LRRTM3: variants seen among roughly 807,000 people sequenced by gnomAD.
LRRTM3 encodes leucine-rich repeat transmembrane neuronal protein 3.
A neutral mutation model predicts 44.7 loss-of-function variants in LRRTM3; 24 were observed. That is an observed-to-expected ratio of 0.54 (90% CI 0.39 to 0.76). LRRTM3 has a LOEUF of 0.76. LRRTM3 is among the 30% of genes least tolerant of loss of function. The pLI is 0.00. For missense variants in LRRTM3, 587 were observed against 702.2 expected, an observed-to-expected ratio of 0.84 and a Z score of 1.85; for synonymous variants, 277 against 278.7, an observed-to-expected ratio of 0.99 and a Z score of 0.06.
In LRRTM3 at chr10:67,068,297, A is replaced by T. The variant is rs190463972; in HGVS notation, c.1537-29290A>T. ...ATAGCTCCAAGGCTGCATAAAACAC[A>T]TATAGATGGTGACACTATTTTCAGG... On this transcript the variant is annotated intron_variant, in intron 2 of 2. Coordinates refer to ENST00000361320, the MANE Select transcript of LRRTM3 (RefSeq NM_178011.5). Among the ~76,000 whole-genome samples, 4 of 152,332 alleles carry T rather than the reference A, an allele frequency of 2.6e-5. No homozygotes were observed. The East Asian group carries it at 7.7e-4, about 29-fold the overall frequency.
At chr10:67,081,394 T>C (rs1408799965) in intron 2 of LRRTM3, among the ~76,000 whole-genome samples, 3 of 152,198 alleles carry the variant, frequency 2.0e-5, no homozygotes, top group African/African-American at 7.2e-5. Context: ...AACTTACTAT[T>C]TCAGGAAACA....
chr10:66,974,478 G>A (rs1323381901), intron 2 of LRRTM3, among the ~76,000 whole-genome samples: 2 of 152,102 alleles, frequency 1.3e-5, no homozygotes, highest in African/African-American at 4.8e-5. Context: ...TTATATACAA[G>A]TCATTCGCCA....
At position 67,098,092 on chromosome 10, in the gene LRRTM3, A is replaced by G. The variant is rs564401099; in HGVS notation, c.*296A>G. The G allele has an allele frequency of 2.9e-4, 107 of 370,548 alleles. No individual in the cohort carries two copies. The highest frequency in any genetic ancestry group is 2.1e-3 in the African/African-American group (101 of 48,528). 23.0% of individuals were successfully genotyped at this position (370,548 alleles called of 1,614,324 possible). On this transcript the variant is annotated 3_prime_UTR_variant, in exon 3 of 3. Transcript: ENST00000361320. Reference sequence around the variant, plus strand: ...TCCTACCTACCTGTAAAAACTGTACAAAGCTAATGTATTTTTCATATTGTA... The same window carrying G: ...TCCTACCTACCTGTAAAAACTGTACGAAGCTAATGTATTTTTCATATTGTA...
At chr10:67,092,276 G>C (rs959288178) in intron 2 of LRRTM3, among the ~76,000 whole-genome samples, 2 of 151,760 alleles carry the variant, frequency 1.3e-5, no homozygotes, top group African/African-American at 2.4e-5. Context: ...TGATATATGA[G>C]GAGAGCATGA....
chr10:67,083,015 C>A (rs370592456), intron 2 of LRRTM3, among the ~76,000 whole-genome samples: 1 of 152,146 alleles, frequency 6.6e-6, no homozygotes, highest in Non-Finnish European at 1.5e-5. Flanking sequence ...CCAGAAGCCA[C>A]CTGTGTGTTC....
rs1858261631 is a variant in LRRTM3, at chr10:67,100,231, G to A, written c.*2435G>A. Among the ~76,000 whole-genome samples, 1 of 151,554 alleles carries A rather than the reference G, an allele frequency of 6.6e-6. No individual in the cohort carries two copies. The highest frequency in any genetic ancestry group is 1.5e-5 in the Non-Finnish European group (1 of 67,754). On this transcript the variant is annotated 3_prime_UTR_variant, in exon 3 of 3. Transcript: ENST00000361320. ...TAAATATTTTAAATTCATCTAAAGT[G>A]AACGACTATAAATAGAAGCAATCAC...
intron 2 of LRRTM3, among the ~76,000 whole-genome samples, chr10:67,015,917 AT>A (rs928178492): frequency 4.0e-5 from 6 of 151,836 alleles, no homozygotes; most frequent in African/African-American, 1.4e-4. Flanking sequence ...AATCAAGTTT[AT>A]TCTATTTGTG....
rs936201256 is a variant in LRRTM3, at chr10:66,928,227, T to A, written c.1311T>A (p.Val437=). ...TGTCCGTGCTCGTCATCCTGCTGGT[T>A]ATCTACGTGTCATGGAAGCGGTACC... The part of the protein sequence containing the change: ...LFLSVLVILL[V]IYVSWKRYPA... The change falls in exon 2 of 3, where the codon GTT becomes GTA. Residue 437 remains valine (V), a synonymous_variant. Transcript: ENST00000361320. The A allele has an allele frequency of 6.8e-6, 11 of 1,614,070 alleles. No individual in the cohort carries two copies. Among genetic ancestry groups the A allele is most frequent in the Non-Finnish European group, 9.3e-6 (11 of 1,180,052 alleles).
intron 2 of LRRTM3, among the ~76,000 whole-genome samples, chr10:66,956,706 T>C (rs1848809185): frequency 6.6e-6 from 1 of 152,236 alleles, no homozygotes; most frequent in Admixed American, 6.5e-5. Flanking sequence ...GTATTCTGAC[T>C]GTGTTTAAAA....
intron 2 of LRRTM3, among the ~76,000 whole-genome samples, chr10:66,938,574 G>A (rs1490397510): frequency 2.6e-5 from 4 of 152,140 alleles, no homozygotes; most frequent in Non-Finnish European, 5.9e-5. Context: ...ATAGAGAAGC[G>A]ATCGGTCTTG....
At chr10:67,071,330 G>GGT (rs1554912076) in intron 2 of LRRTM3, among the ~76,000 whole-genome samples, 1 of 140,404 alleles carries the variant, frequency 7.1e-6, no homozygotes, top group East Asian at 2.1e-4. Context: ...TGTATTTTGG[G>GGT]TTTTTTTTTT....
intron 2 of LRRTM3, among the ~76,000 whole-genome samples, chr10:67,090,823 T>G (rs953377573): frequency 4.6e-5 from 7 of 152,012 alleles, no homozygotes; most frequent in Non-Finnish European, 8.8e-5. Flanking sequence ...CTAAAGAAAC[T>G]AAGGTAGAAC....
At chr10:67,017,497 C>G (rs1852728534) in intron 2 of LRRTM3, among the ~76,000 whole-genome samples, 1 of 152,192 alleles carries the variant, frequency 6.6e-6, no homozygotes, top group South Asian at 2.1e-4. Flanking sequence ...CACAATCTAT[C>G]TTTTGTGTAC....
intron 2 of LRRTM3, among the ~76,000 whole-genome samples, chr10:66,995,222 C>T (rs1851263837): frequency 6.6e-6 from 1 of 152,154 alleles, no homozygotes; most frequent in South Asian, 2.1e-4. Context: ...TGAATAGAAC[C>T]ACCATCCACC....
intron 2 of LRRTM3, among the ~76,000 whole-genome samples, chr10:67,000,093 T>C (rs1207065127): frequency 6.6e-6 from 1 of 152,204 alleles, no homozygotes; most frequent in African/African-American, 2.4e-5. Context: ...TTTCTCCATA[T>C]TTCTAACAAC....
intron 2 of LRRTM3, among the ~76,000 whole-genome samples, chr10:66,992,645 A>G (rs554268111): frequency 1.3e-5 from 2 of 152,210 alleles, no homozygotes; most frequent in South Asian, 4.1e-4. Flanking sequence ...AGGGTTATAG[A>G]ACTATTTTCT....
chr10:67,019,858 G>T (rs929280405), intron 2 of LRRTM3, among the ~76,000 whole-genome samples: 1 of 151,972 alleles, frequency 6.6e-6, no homozygotes, highest in Non-Finnish European at 1.5e-5. Flanking sequence ...TTCCTCTTCC[G>T]TTCTTGCCTA....
At chr10:67,024,646 C>T (rs549850033) in intron 2 of LRRTM3, among the ~76,000 whole-genome samples, 1 of 152,172 alleles carries the variant, frequency 6.6e-6, no homozygotes, top group Admixed American at 6.5e-5. Context: ...ATGGGTGTAA[C>T]CAGCAAAAGT....
At chr10:66,966,133 A>G (rs2132800580) in intron 2 of LRRTM3, among the ~76,000 whole-genome samples, 1 of 151,988 alleles carries the variant, frequency 6.6e-6, no homozygotes, top group Admixed American at 6.5e-5. Context: ...TTATAGTGCC[A>G]TTTTGAAAAA....
Sources: gnomAD v4.1 joint callset for allele counts (sites outside exome capture counted in the v4.1 genomes callset) on GRCh38, gnomAD v4.1.1 for gene constraint, MANE v1.5 for transcripts, NCBI Gene and HGNC (gene_info 2026-07-23, HGNC 2026-07-21) for gene names.